The following HOXC11 variants were observed in gnomAD, a reference collection of about 807,000 sequenced individuals.
HOXC11 encodes the protein homeobox C11, also known as homeobox protein Hox-C11.
HOXC11 carries 17 observed loss-of-function variants against 23.6 expected under a neutral mutation model. The ratio of observed to expected loss-of-function variants is 0.72; its 90% CI spans 0.49 to 1.08. The LOEUF (loss-of-function observed/expected upper bound fraction) is 1.08. HOXC11 is among the 50% of genes least tolerant of loss of function. HOXC11 has a pLI of 0.00. For synonymous variants in HOXC11, 196 were observed against 183.8 expected (o/e 1.07, Z -0.54); for missense variants, 413 against 412.1 (o/e 1.00, Z -0.02).
rs12427129 is a variant in HOXC11, at chr12:53,973,906, C to T, written c.665C>T (p.Ala222Val). ...GSAHSVAKEP[A>V]KGAAPNAPRT... ...GCCCACTCCGTGGCCAAGGAGCCGG[C>T]CAAAGGAGCCGCCCCCAGTAGGTAG... The change falls in exon 1 of 2, where the codon GCC becomes GTC. Residue 222 changes from alanine to valine, a missense_variant. Transcript: ENST00000546378. This position sits in a 1 kb window ranked among gnomAD's most constrained non-coding sequence, Gnocchi z 4.3. 123,332 of 1,444,250 alleles carry T rather than the reference C, an allele frequency of 0.085. 5,770 individuals are homozygous for T. The highest frequency in any genetic ancestry group is 0.12 in the Admixed American group (4,223 of 34,296). The allele number at this position is 1,444,250 out of a possible 1,614,324, so 89.5% of individuals were successfully genotyped here.
At chr12:53,974,583 G>C (rs929596560) in intron 1 of HOXC11, among the ~76,000 whole-genome samples, 10 of 152,138 alleles carry the variant, frequency 6.6e-5, no homozygotes, top group African/African-American at 2.4e-4. Flanking sequence ...TTCCAGGCGG[G>C]GGTCTGGGCG....
chr12:53,975,218 G>A lies in HOXC11; in HGVS notation c.720G>A (p.Ser240=), dbSNP rs995301076. 1 of 1,609,856 alleles carries A rather than the reference G, an allele frequency of 6.2e-7. No individual in the cohort carries two copies. Among genetic ancestry groups the A allele is most frequent in the African/African-American group, 1.3e-5 (1 of 74,274 alleles). ...CCCGCAAGAAGCGCTGCCCTTATTC[G>A]AAATTCCAGATCCGGGAACTGGAGC... ...PRTRKKRCPY[S]KFQIRELERE... is the part of the protein sequence containing the mutation. The change falls in exon 2 of 2, where the codon TCG becomes TCA. Residue 240 remains serine (S), a synonymous_variant. Coordinates refer to ENST00000546378, the MANE Select transcript of HOXC11 (RefSeq NM_014212.4).
rs762569969 is a variant in HOXC11, at chr12:53,973,290, G to C, written c.49G>C (p.Glu17Gln). ...LGNFCSPSRK[E>Q]RGADFGERGS... Reference sequence around the variant, plus strand: ...CAACTTCTGCTCTCCGTCGCGCAAGGAGAGGGGCGCAGATTTCGGCGAGCG... The same window carrying C: ...CAACTTCTGCTCTCCGTCGCGCAAGCAGAGGGGCGCAGATTTCGGCGAGCG... The change falls in exon 1 of 2, where the codon GAG becomes CAG. Residue 17 changes from glutamate (E) to glutamine (Q), a missense_variant. Coordinates refer to ENST00000546378, the MANE Select transcript of HOXC11 (RefSeq NM_014212.4). The surrounding 1 kb of genome is among the most constrained non-coding windows in gnomAD (Gnocchi z 4.3). The C allele has an allele frequency of 5.6e-6, 9 of 1,613,816 alleles. No individual in the cohort carries two copies. The highest frequency in any genetic ancestry group is 7.6e-6 in the Non-Finnish European group (9 of 1,179,994).
At position 53,973,795 on chromosome 12, in the gene HOXC11, C is replaced by A. The variant is rs766983603; in HGVS notation, c.554C>A (p.Pro185Gln). ...GCCAAGGGGGAGCCCGAGGCACCCCCGGCCTCGGGACTGGCGTCCCGGGCT... is the reference window on the plus strand; with the variant it reads ...GCCAAGGGGGAGCCCGAGGCACCCCAGGCCTCGGGACTGGCGTCCCGGGCT... ...GEAKGEPEAP[P>Q]ASGLASRAEA... The change falls in exon 1 of 2, where the codon CCG (proline) becomes CAG (glutamine). Residue 185 changes from proline (P) to glutamine (Q), a missense_variant. By Grantham distance (76) the Pro-to-Gln change is moderately conservative (BLOSUM62 -1). Transcript: ENST00000546378. This position sits in a 1 kb window ranked among gnomAD's most constrained non-coding sequence, Gnocchi z 4.3. 6.3e-7 allele frequency: 1 copy of A among 1,592,640 alleles called. No homozygotes were observed. The highest frequency in any genetic ancestry group is 1.4e-5 in the African/African-American group (1 of 74,026).
intron 1 of HOXC11, among the ~76,000 whole-genome samples, chr12:53,974,287 G>A (rs1205877600): frequency 6.6e-6 from 1 of 150,976 alleles, no homozygotes; most frequent in African/African-American, 2.4e-5. Context: ...GAAGTATGGG[G>A]AGCCGGGCTG....
intron 1 of HOXC11, 139 bp downstream of exon 1, chr12:53,974,062 C>A (rs1939202786): frequency 3.9e-6 from 2 of 519,318 alleles, no homozygotes; most frequent in East Asian, 4.5e-5. Context: ...GTTTTATAAG[C>A]ATTCAAAGGA....
Position 53,975,461 on chromosome 12 carries a change from T to G in HOXC11, c.*48T>G. 1 of 960,610 alleles carries G rather than the reference T, an allele frequency of 1.0e-6. No individual in the cohort carries two copies. 59.5% of individuals were successfully genotyped at this position (960,610 alleles called of 1,614,324 possible). ...GGGCGGGGGGAGGGGAAAATTATTTTATTTTATTTTTATTTTTTATTTTCT... is the reference window on the plus strand; with the variant it reads ...GGGCGGGGGGAGGGGAAAATTATTTGATTTTATTTTTATTTTTTATTTTCT... On this transcript the variant is annotated 3_prime_UTR_variant, in exon 2 of 2. Transcript: ENST00000546378.
In HOXC11 at chr12:53,973,771, C is replaced by G. The variant is rs1939194616; in HGVS notation, c.530C>G (p.Ala177Gly). ...CCCCCCTGCTCCGGCAAGGGCGAGG[C>G]CAAGGGGGAGCCCGAGGCACCCCCG... is the stretch of plus-strand genomic sequence containing the variant. Reference protein sequence around the residue: ...AEPPCSGKGEAKGEPEAPPAS... With the variant: ...AEPPCSGKGEGKGEPEAPPAS... The change falls in exon 1 of 2, where the codon GCC becomes GGC. Residue 177 changes from alanine (A) to glycine (G), a missense_variant. Ala to Gly is a moderately conservative substitution (Grantham distance 60, BLOSUM62 0). Coordinates refer to ENST00000546378, the MANE Select transcript of HOXC11 (RefSeq NM_014212.4). This position sits in a 1 kb window ranked among gnomAD's most constrained non-coding sequence, Gnocchi z 4.3. 11 of 1,609,664 alleles carry G rather than the reference C, an allele frequency of 6.8e-6. No homozygotes were observed. The highest frequency in any genetic ancestry group is 9.3e-6 in the Non-Finnish European group (11 of 1,178,226).
chr12:53,976,332 A>G lies in HOXC11; in HGVS notation c.*919A>G, dbSNP rs928756104. On this transcript the variant is annotated 3_prime_UTR_variant, in exon 2 of 2. Coordinates refer to ENST00000546378, the MANE Select transcript of HOXC11 (RefSeq NM_014212.4). ...CTCCTCTGCGTGAGTGCGTGTGTAC[A>G]TGTGCACTCCCCACCCTGCTCCCTT... 1 of 220,972 alleles carries G rather than the reference A, an allele frequency of 4.5e-6. No individual in the cohort carries two copies. Among genetic ancestry groups the G allele is most frequent in the South Asian group, 1.8e-4 (1 of 5,418 alleles). 13.7% of individuals were successfully genotyped at this position (220,972 alleles called of 1,614,324 possible). A position where few individuals can be genotyped will look rare whatever the true frequency, so the allele number is the denominator to read the frequency against.
At position 53,973,693 on chromosome 12, in the gene HOXC11, T is replaced by C. The variant is rs1172293823; in HGVS notation, c.452T>C (p.Phe151Ser). Residue 151 changes from phenylalanine to serine, a missense_variant, in exon 1 of 2, where the codon TTC becomes TCC. By Grantham distance (155) the Phe-to-Ser change is radical. Transcript: ENST00000546378. This position sits in a 1 kb window ranked among gnomAD's most constrained non-coding sequence, Gnocchi z 4.3. ...VNKNSVLPQA[F>S]DRFFDNAYCG... ...AAGAACAGCGTCCTGCCTCAAGCCT[T>C]CGACCGTTTCTTCGACAACGCCTAC... 6.2e-7 allele frequency: 1 copy of C among 1,613,494 alleles called. No individual in the cohort carries two copies. Among genetic ancestry groups the C allele is most frequent in the Non-Finnish European group, 8.5e-7 (1 of 1,180,034 alleles).
In HOXC11 at chr12:53,975,217, C is replaced by A; in HGVS notation, c.719C>A (p.Ser240Ter). The change falls in exon 2 of 2, where the codon TCG becomes TAG. Residue 240 changes from serine (S) to a stop codon, truncating the protein, a stop_gained. Coordinates refer to ENST00000546378, the MANE Select transcript of HOXC11 (RefSeq NM_014212.4). LOFTEE classifies it high-confidence loss of function. ...ACCCGCAAGAAGCGCTGCCCTTATTCGAAATTCCAGATCCGGGAACTGGAG... is the reference window on the plus strand; with the variant it reads ...ACCCGCAAGAAGCGCTGCCCTTATTAGAAATTCCAGATCCGGGAACTGGAG... ...PRTRKKRCPYSKFQIRELERE... is the reference protein window; with the variant it reads ...PRTRKKRCPY The A allele has an allele frequency of 2.5e-6, 4 of 1,610,692 alleles. No individual in the cohort carries two copies.
intron 1 of HOXC11, among the ~76,000 whole-genome samples, chr12:53,974,315 G>A (rs1438607163): frequency 2.6e-5 from 4 of 151,878 alleles, no homozygotes; most frequent in Non-Finnish European, 5.9e-5. Flanking sequence ...GTGGGGAGGA[G>A]GGGAGGGGTG....
rs1289445811 is a variant in HOXC11, at chr12:53,977,336, A to C, written c.*1923A>C. ...TTCTGTCTTTGTATAATTCAAAGAA[A>C]ATATTTTTGTCAATACAATTCTGTT... On this transcript the variant is annotated 3_prime_UTR_variant, in exon 2 of 2. Coordinates refer to ENST00000546378, the MANE Select transcript of HOXC11 (RefSeq NM_014212.4). 1 of 152,224 alleles carries C rather than the reference A, an allele frequency of 6.6e-6. No homozygotes were observed. Among genetic ancestry groups the C allele is most frequent in the Non-Finnish European group, 1.5e-5 (1 of 68,042 alleles). The allele number at this position is 152,224 out of a possible 1,614,324, so 9.4% of individuals were successfully genotyped here. A position where few individuals can be genotyped will look rare whatever the true frequency, so the allele number is the denominator to read the frequency against.
intron 1 of HOXC11, chr12:53,974,931 A>C: frequency 2.0e-6 from 1 of 495,746 alleles, no homozygotes; most frequent in South Asian, 2.7e-5. Context: ...AGACCCTGTC[A>C]GCCGCGGCTC....
Position 53,973,513 on chromosome 12 carries a change from C to A in HOXC11, c.272C>A (p.Ser91Tyr), listed in dbSNP as rs1939186321. Residue 91 changes from serine (S) to tyrosine (Y), a missense_variant, in exon 1 of 2, where the codon TCC becomes TAC. Coordinates refer to ENST00000546378, the MANE Select transcript of HOXC11 (RefSeq NM_014212.4). This position sits in a 1 kb window ranked among gnomAD's most constrained non-coding sequence, Gnocchi z 4.3. ...TGGCACCATCGGAACAGCTACTCCT[C>A]CTGCTATGCGGCGGCCGACGAGCTT... ...GKWHHRNSYSSCYAAADELMH... is the reference protein window; with the variant it reads ...GKWHHRNSYSYCYAAADELMH... The A allele has an allele frequency of 6.2e-7, 1 of 1,613,936 alleles. No individual in the cohort carries two copies. Among genetic ancestry groups the A allele is most frequent in the Admixed American group, 1.7e-5 (1 of 60,000 alleles).
rs184352881 is a variant in HOXC11 at position 53,975,727 on chromosome 12, G to T, written c.*314G>T. 46 of 545,758 alleles carry T rather than the reference G, an allele frequency of 8.4e-5. No homozygotes were observed. The East Asian group carries it at 1.3e-3, about 15-fold the overall frequency. The allele number at this position is 545,758 out of a possible 1,614,324, so 33.8% of individuals were successfully genotyped here. A position where few individuals can be genotyped will look rare whatever the true frequency, so the allele number is the denominator to read the frequency against. ...CACACCTCGGCGACAATGTCTTGCT[G>T]CTCGGATTAGGTGGGGGAGGGGCGA... is the stretch of plus-strand genomic sequence containing the variant. On this transcript the variant is annotated 3_prime_UTR_variant, in exon 2 of 2. Transcript: ENST00000546378.
chr12:53,973,966 G>A lies in HOXC11; in HGVS notation c.682+43G>A. The A allele has an allele frequency of 7.7e-6, 11 of 1,420,662 alleles. No homozygotes were observed. The highest frequency in any genetic ancestry group is 1.0e-5 in the Non-Finnish European group (11 of 1,082,980). The allele number at this position is 1,420,662 out of a possible 1,614,324, so 88.0% of individuals were successfully genotyped here. ...GGGAACGGGCGGGCAGCGAGGGAGG[G>A]AGCGAGAGAGGGAGGGCGAGAGAAG... On this transcript the variant is annotated intron_variant, in intron 1 of 1. Coordinates refer to ENST00000546378, the MANE Select transcript of HOXC11 (RefSeq NM_014212.4). The surrounding 1 kb of genome is among the most constrained non-coding windows in gnomAD (Gnocchi z 4.3).
At position 53,973,133 on chromosome 12, in the gene HOXC11, G is replaced by C; in HGVS notation, c.-109G>C. On this transcript the variant is annotated 5_prime_UTR_variant, in exon 1 of 2. Coordinates refer to ENST00000546378, the MANE Select transcript of HOXC11 (RefSeq NM_014212.4). The surrounding 1 kb of genome is among the most constrained non-coding windows in gnomAD (Gnocchi z 4.3). Reference sequence around the variant, plus strand: ...ATATCTACTTTGGATCACGTGCTCAGAGAGAGAGAGACTAAGACGGATAAC... The same window carrying C: ...ATATCTACTTTGGATCACGTGCTCACAGAGAGAGAGACTAAGACGGATAAC... 2 of 731,096 alleles carry C rather than the reference G, an allele frequency of 2.7e-6. No homozygotes were observed. The highest frequency in any genetic ancestry group is 3.0e-5 in the Admixed American group (1 of 33,408). 45.3% of individuals were successfully genotyped at this position (731,096 alleles called of 1,614,324 possible).
chr12:53,973,863 C>A lies in HOXC11; in HGVS notation c.622C>A (p.Pro208Thr). 7.1e-7 allele frequency: 1 copy of A among 1,417,182 alleles called. No homozygotes were observed. Among genetic ancestry groups the A allele is most frequent in the South Asian group, 1.4e-5 (1 of 69,362 alleles). 87.8% of individuals were successfully genotyped at this position (1,417,182 alleles called of 1,614,324 possible). ...GGAGGCTGAGGAGGAGAACACAAAT[C>A]CCAGCTCGTCCGGTTCAGCCCACTC... ...EAEAEEENTN[P>T]SSSGSAHSVA... Residue 208 changes from proline to threonine, a missense_variant, in exon 1 of 2, where the codon CCC becomes ACC. Pro to Thr is a conservative substitution (Grantham distance 38, BLOSUM62 -1). Coordinates refer to ENST00000546378, the MANE Select transcript of HOXC11 (RefSeq NM_014212.4). The surrounding 1 kb of genome is among the most constrained non-coding windows in gnomAD (Gnocchi z 4.3).
Sources: gnomAD v4.1 joint callset for allele counts (sites outside exome capture counted in the v4.1 genomes callset) on GRCh38, gnomAD v4.1.1 for gene constraint, Gnocchi (gnomAD v3.1) non-coding constraint, MANE v1.5 for transcripts, NCBI Gene and HGNC (gene_info 2026-07-23, HGNC 2026-07-21) for gene names.